PPARGC1A: variants seen among roughly 807,000 people sequenced by gnomAD.
PPARGC1A encodes the protein PPARG coactivator 1 alpha.
A neutral mutation model predicts 88.7 loss-of-function variants in PPARGC1A; 25 were observed. The observed-to-expected ratio is 0.28, with a 90% confidence interval of 0.21 to 0.39. PPARGC1A has a LOEUF of 0.39. PPARGC1A is among the 10% of genes least tolerant of loss of function. The pLI is 1.00. For synonymous variants in PPARGC1A, 363 were observed against 355.6 expected (o/e 1.02, Z -0.24); for missense variants, 880 against 968.7 (o/e 0.91, Z 1.22).
the PPARGC1A span, among the ~76,000 whole-genome samples, chr4:24,199,963 C>T: frequency 2.0e-5 from 3 of 152,094 alleles, no homozygotes; most frequent in East Asian, 5.8e-4. Context: ...GAGGGGAAAA[C>T]CTACATATGC....
the PPARGC1A span, among the ~76,000 whole-genome samples, chr4:24,175,269 C>T: frequency 6.6e-6 from 1 of 151,894 alleles, no homozygotes; most frequent in Non-Finnish European, 1.5e-5. Flanking sequence ...GCATGATGGC[C>T]CATCCCTGTT....
chr4:24,084,757 T>C, the PPARGC1A span, among the ~76,000 whole-genome samples: 1 of 152,154 alleles, frequency 6.6e-6, no homozygotes, highest in African/African-American at 2.4e-5. Flanking sequence ...AAAAAATGAA[T>C]TGATGAATGA....
intron 2 of PPARGC1A, among the ~76,000 whole-genome samples, chr4:23,870,840 C>T (rs59002841): frequency 5.9e-5 from 9 of 151,526 alleles, no homozygotes; most frequent in Non-Finnish European, 8.8e-5. Context: ...CATAAAAATG[C>T]GTACTATCTA....
At chr4:24,193,905 G>T in the PPARGC1A span, among the ~76,000 whole-genome samples, 3 of 152,090 alleles carry the variant, frequency 2.0e-5, no homozygotes, top group Admixed American at 6.5e-5. Flanking sequence ...GAGGTGGGTG[G>T]ATCACCTGAG....
chr4:24,031,939 A>G, the PPARGC1A span, among the ~76,000 whole-genome samples: 1 of 152,196 alleles, frequency 6.6e-6, no homozygotes, highest in African/African-American at 2.4e-5. Flanking sequence ...GAGAGGGGGA[A>G]CTGGCTGTCC....
chr4:23,867,724 C>A (rs906326305), intron 2 of PPARGC1A, among the ~76,000 whole-genome samples: 1 of 152,156 alleles, frequency 6.6e-6, no homozygotes, highest in Non-Finnish European at 1.5e-5. Flanking sequence ...GAGAAATTAC[C>A]CATCATTCCC....
At chr4:24,290,721 A>G in the PPARGC1A span, among the ~76,000 whole-genome samples, 82 of 152,136 alleles carry the variant, frequency 5.4e-4, no homozygotes, top group African/African-American at 1.9e-3. Context: ...GGCACTCGAT[A>G]ACCTTGTGAC....
chr4:24,061,375 G>C, the PPARGC1A span, among the ~76,000 whole-genome samples: 1 of 152,216 alleles, frequency 6.6e-6, no homozygotes, highest in African/African-American at 2.4e-5. Flanking sequence ...GGCAAGTCTA[G>C]CGAAGGAGAA....
the PPARGC1A span, among the ~76,000 whole-genome samples, chr4:24,307,119 T>C: frequency 9.9e-5 from 15 of 152,174 alleles, no homozygotes; most frequent in South Asian, 6.2e-4. Context: ...AAATTTCCAG[T>C]CCACTGGCCT....
At chr4:24,255,777 G>C in the PPARGC1A span, among the ~76,000 whole-genome samples, 1 of 152,218 alleles carries the variant, frequency 6.6e-6, no homozygotes, top group African/African-American at 2.4e-5. Context: ...CTGGTATTTG[G>C]ATATCAGTTT....
At chr4:23,976,548 A>G in the PPARGC1A span, among the ~76,000 whole-genome samples, 2 of 152,222 alleles carry the variant, frequency 1.3e-5, no homozygotes, top group Admixed American at 1.3e-4. Context: ...CCCTACCACC[A>G]ATACTTATGT....
chr4:24,109,542 G>A, the PPARGC1A span, among the ~76,000 whole-genome samples: 14 of 152,236 alleles, frequency 9.2e-5, no homozygotes, highest in Non-Finnish European at 1.8e-4. Context: ...TGGTATTTAT[G>A]GAATAAGCTT....
At chr4:24,389,861 G>A in the PPARGC1A span, among the ~76,000 whole-genome samples, 1 of 152,104 alleles carries the variant, frequency 6.6e-6, no homozygotes, top group African/African-American at 2.4e-5. Flanking sequence ...TTAGCTAAGG[G>A]CTAAGGGAGG....
the PPARGC1A span, among the ~76,000 whole-genome samples, chr4:24,411,375 T>A: frequency 3.3e-5 from 5 of 152,232 alleles, no homozygotes; most frequent in Admixed American, 6.5e-5. Context: ...ATTTTAGAGA[T>A]GTTTTAGGGT....
the PPARGC1A span, among the ~76,000 whole-genome samples, chr4:24,007,709 C>T: frequency 2.6e-5 from 4 of 152,204 alleles, no homozygotes; most frequent in Middle Eastern, 3.4e-3. Flanking sequence ...GGGAGGGAGT[C>T]CAACCATGGC....
At chr4:23,890,217 TA>T (rs35965035), upstream of PPARGC1A, 128,885 of 324,466 alleles carry the variant, frequency 0.4, 16,201 homozygotes, top group Admixed American at 0.44. Flanking sequence ...AGTAACGCTT[TA>T]AAAAAAAAAA....
chr4:24,170,507 G>GC, the PPARGC1A span, among the ~76,000 whole-genome samples: 3 of 152,146 alleles, frequency 2.0e-5, no homozygotes, highest in Non-Finnish European at 4.4e-5. Context: ...CAGGGAGGGG[G>GC]CCTAACTAAG....
chr4:23,969,727 T>C, the PPARGC1A span, among the ~76,000 whole-genome samples: 3 of 152,178 alleles, frequency 2.0e-5, no homozygotes, highest in Non-Finnish European at 4.4e-5. Context: ...CCTCTGGACA[T>C]TCTGATGATT....
At chr4:23,967,475 A>T in the PPARGC1A span, among the ~76,000 whole-genome samples, 1 of 152,148 alleles carries the variant, frequency 6.6e-6, no homozygotes. Context: ...CAGCAGCTCC[A>T]GTGCTGATGG....
Sources: gnomAD v4.1 joint callset for allele counts (sites outside exome capture counted in the v4.1 genomes callset) on GRCh38, gnomAD v4.1.1 for gene constraint, MANE v1.5 for transcripts, NCBI Gene and HGNC (gene_info 2026-07-23, HGNC 2026-07-21) for gene names.